The following CDC42BPB variants were observed in gnomAD, a reference collection of about 807,000 sequenced individuals.
CDC42BPB encodes CDC42 binding protein kinase beta.
CDC42BPB carries 37 observed loss-of-function variants against 214.9 expected under a neutral mutation model. That is an observed-to-expected ratio of 0.17 (90% CI 0.13 to 0.23). The LOEUF (loss-of-function observed/expected upper bound fraction) is 0.23, where lower values mean the gene tolerates loss of function less well. Ranked by LOEUF, CDC42BPB falls within the 10% of genes least tolerant of loss-of-function variation. CDC42BPB has a pLI of 1.00. For missense variants in CDC42BPB, 1,694 were observed against 2,227.0 expected (o/e 0.76, Z 4.82); for synonymous variants, 931 against 884.0 (o/e 1.05, Z -0.94).
At chr14:102,968,999 G>A (rs979428824) in intron 14 of CDC42BPB, 4 of 627,218 alleles carry the variant, frequency 6.4e-6, no homozygotes, top group Non-Finnish European at 8.0e-6. Context: ...TCTGAGGGCT[G>A]ACTCTGTGCT....
intron 1 of CDC42BPB, chr14:103,041,923 G>A: frequency 2.5e-6 from 1 of 403,164 alleles, no homozygotes. Flanking sequence ...GACAGGACCG[G>A]TCATGCCCAT....
intron 1 of CDC42BPB, among the ~76,000 whole-genome samples, chr14:103,042,765 C>T (rs947863043): frequency 1.3e-5 from 2 of 152,246 alleles, no homozygotes; most frequent in East Asian, 3.9e-4. Context: ...ACTTCACACC[C>T]ACTAGGACAG....
intron 27 of CDC42BPB, 74 bp from the exon 28 acceptor site, chr14:102,946,758 C>A (rs1325638987): frequency 1.3e-5 from 21 of 1,562,118 alleles, no homozygotes; most frequent in Non-Finnish European, 1.7e-5. Context: ...CACGGCCCTG[C>A]TGGAGCCACG....
rs562587502 is a variant in CDC42BPB, at chr14:102,963,100, A to G, written c.2782T>C (p.Leu928=). 2.5e-6 allele frequency: 4 copies of G among 1,585,474 alleles called. No homozygotes were observed. Among genetic ancestry groups the G allele is most frequent in the African/African-American group, 2.7e-5 (2 of 74,364 alleles). ...NRELLEEMEI[L]KKKMEEKFRA... ...AATTTTTCTTCCATCTTTTTCTTCA[A>G]AATTTCCATTTCTTCTAATAATTCT... The change falls in exon 20 of 37, where the codon TTG becomes CTG. Residue 928 remains leucine (L), a synonymous_variant. Coordinates refer to ENST00000361246, the MANE Select transcript of CDC42BPB (RefSeq NM_006035.4).
chr14:102,994,941 A>G (rs1213950474), intron 5 of CDC42BPB, among the ~76,000 whole-genome samples: 1 of 152,144 alleles, frequency 6.6e-6, no homozygotes, highest in Non-Finnish European at 1.5e-5. Context: ...GTGGCTCCAG[A>G]GCCACTCTGA....
At chr14:102,970,309 T>TCA (rs1305740641) in intron 13 of CDC42BPB, 48 bp from the exon 14 acceptor site, 2 of 1,566,462 alleles carry the variant, frequency 1.3e-6, no homozygotes, top group Non-Finnish European at 1.7e-6. Context: ...GAGCCCTGCT[T>TCA]CACCAGTTAC....
intron 5 of CDC42BPB, among the ~76,000 whole-genome samples, chr14:102,996,470 A>C (rs1455968917): frequency 6.6e-6 from 1 of 152,206 alleles, no homozygotes; most frequent in Non-Finnish European, 1.5e-5. Flanking sequence ...CTCTATTGTG[A>C]ATTAAGTTCT....
At chr14:102,956,628 G>C (rs953259134) in intron 21 of CDC42BPB, among the ~76,000 whole-genome samples, 1 of 151,710 alleles carries the variant, frequency 6.6e-6, no homozygotes, top group Non-Finnish European at 1.5e-5. Flanking sequence ...TTAGGAGTTT[G>C]AGACCGGTCT....
chr14:103,034,182 A>G (rs1319048499), intron 1 of CDC42BPB, among the ~76,000 whole-genome samples: 1 of 152,232 alleles, frequency 6.6e-6, no homozygotes, highest in Non-Finnish European at 1.5e-5. Context: ...CTTTAGGACA[A>G]ACAAGAAACA....
In CDC42BPB at chr14:102,936,267, A is replaced by G. The variant is rs113577987; in HGVS notation, c.5004+1837T>C. Among the ~76,000 whole-genome samples the G allele has an allele frequency of 1.6e-3, 245 of 152,360 alleles. 3 individuals are homozygous for G. Among genetic ancestry groups the G allele is most frequent in the African/African-American group, 5.8e-3 (240 of 41,576 alleles). On this transcript the variant is annotated intron_variant, in intron 36 of 36. Coordinates refer to ENST00000361246, the MANE Select transcript of CDC42BPB (RefSeq NM_006035.4). Reference sequence around the variant, plus strand: ...TCACAGGCATAAACCCGAATGTGAAAACAGGCACTCAAACACATATGTGCA... The same window carrying G: ...TCACAGGCATAAACCCGAATGTGAAGACAGGCACTCAAACACATATGTGCA...
chr14:103,007,110 G>C (rs1423042162), intron 3 of CDC42BPB, among the ~76,000 whole-genome samples: 1 of 152,226 alleles, frequency 6.6e-6, no homozygotes, highest in Non-Finnish European at 1.5e-5. Flanking sequence ...AAGGAAGGGA[G>C]ACCGTGTACA....
intron 1 of CDC42BPB, among the ~76,000 whole-genome samples, chr14:103,013,728 C>T (rs968529416): frequency 1.3e-5 from 2 of 152,222 alleles, no homozygotes; most frequent in African/African-American, 4.8e-5. Context: ...GCCAGCACCC[C>T]CAGAAGCTGA....
intron 6 of CDC42BPB, among the ~76,000 whole-genome samples, chr14:102,985,880 G>A (rs559338458): frequency 6.6e-6 from 1 of 152,252 alleles, no homozygotes; most frequent in African/African-American, 2.4e-5. Flanking sequence ...CAGGCTACTC[G>A]GCCATGACGC....
chr14:102,939,833 C>T lies in CDC42BPB; in HGVS notation c.4706G>A (p.Arg1569Lys). 6.2e-7 allele frequency: 1 copy of T among 1,614,088 alleles called. No homozygotes were observed. The highest frequency in any genetic ancestry group is 8.5e-7 in the Non-Finnish European group (1 of 1,180,042). The change falls in exon 33 of 37, where the codon AGG becomes AAG. Residue 1569 changes from arginine to lysine, a missense_variant. Coordinates refer to ENST00000361246, the MANE Select transcript of CDC42BPB (RefSeq NM_006035.4). ...CCCCGTGAGGCCCCGCTCCTACCGC[C>T]TCTGCTGCAGTCTCTCTTCCTCTGG... ...KVPEEERLQQ[R>K]REMLRDPELR...
intron 4 of CDC42BPB, among the ~76,000 whole-genome samples, chr14:103,002,654 G>A (rs1233257635): frequency 1.3e-5 from 2 of 152,144 alleles, no homozygotes; most frequent in Non-Finnish European, 2.9e-5. Context: ...AGGGGATCCG[G>A]AACCTGCTCG....
chr14:102,982,684 T>C (rs535855717), intron 7 of CDC42BPB, among the ~76,000 whole-genome samples: 1 of 152,166 alleles, frequency 6.6e-6, no homozygotes, highest in African/African-American at 2.4e-5. Flanking sequence ...GGCAGGAGAA[T>C]CGCTTGAACC....
At position 102,939,889 on chromosome 14, in the gene CDC42BPB, G is replaced by A; in HGVS notation, c.4650C>T (p.Thr1550=). 6.2e-7 allele frequency: 1 copy of A among 1,614,024 alleles called. No individual in the cohort carries two copies. The highest frequency in any genetic ancestry group is 8.5e-7 in the Non-Finnish European group (1 of 1,180,036). ...TGAAGACGAACCGCCTTTTGCTCCT[G>A]GTGCGCAGCATCTGCTTCTTGCTGT... The part of the protein sequence containing the change: ...SDNSKKQMLR[T]RSKRRFVFKV... Residue 1550 remains threonine (T), a synonymous_variant, in exon 33 of 37, where the codon ACC becomes ACT. Transcript: ENST00000361246.
At chr14:103,020,451 G>C (rs1359098690) in intron 1 of CDC42BPB, among the ~76,000 whole-genome samples, 2 of 152,220 alleles carry the variant, frequency 1.3e-5, no homozygotes, top group African/African-American at 4.8e-5. Flanking sequence ...TGGAGCGCGG[G>C]GGCAGCTGCA....
chr14:103,016,772 C>T (rs1403537854), intron 1 of CDC42BPB, among the ~76,000 whole-genome samples: 1 of 152,084 alleles, frequency 6.6e-6, no homozygotes, highest in East Asian at 1.9e-4. Flanking sequence ...CAGGGATAAA[C>T]ACAGCCATAT....
Sources: gnomAD v4.1 joint callset for allele counts (sites outside exome capture counted in the v4.1 genomes callset) on GRCh38, gnomAD v4.1.1 for gene constraint, MANE v1.5 for transcripts, NCBI Gene and HGNC (gene_info 2026-07-23, HGNC 2026-07-21) for gene names.